UST: variants seen among roughly 807,000 people sequenced by gnomAD.
UST encodes uronyl 2-sulfotransferase, also known as chondroitin sulfate 2-O-sulfotransferase.
A neutral mutation model predicts 45.6 loss-of-function variants in UST; 21 were observed. The ratio of observed to expected loss-of-function variants is 0.46; its 90% CI spans 0.33 to 0.66. The LOEUF is 0.66. Ranked by LOEUF, UST falls within the 30% of genes least tolerant of loss-of-function variation. UST has a pLI of 0.02. For synonymous variants in UST, 215 were observed against 200.6 expected (o/e 1.07, Z -0.61); for missense variants, 463 against 512.4 (o/e 0.90, Z 0.93).
chr6:148,988,789 T>C (rs1781290603), intron 5 of UST, among the ~76,000 whole-genome samples: 1 of 152,044 alleles, frequency 6.6e-6, no homozygotes, highest in South Asian at 2.1e-4. Context: ...CTTCATCATT[T>C]CCAAGTCCAC....
intron 4 of UST, among the ~76,000 whole-genome samples, chr6:148,961,395 G>A (rs1274454689): frequency 6.6e-6 from 1 of 152,170 alleles, no homozygotes; most frequent in Non-Finnish European, 1.5e-5. Context: ...GTGATCAGCC[G>A]TAGTCACCAC....
chr6:148,819,348 G>A (rs1349078836), intron 1 of UST, among the ~76,000 whole-genome samples: 2 of 152,140 alleles, frequency 1.3e-5, no homozygotes, highest in Admixed American at 6.5e-5. Flanking sequence ...GACAAAATAC[G>A]ATTTGACATA....
At chr6:149,056,129 T>TTTC (rs1776562052) in intron 7 of UST, among the ~76,000 whole-genome samples, 1 of 113,264 alleles carries the variant, frequency 8.8e-6, no homozygotes, top group Non-Finnish European at 1.8e-5. Context: ...TTTTTTTTTT[T>TTTC]TTTTTTTTTT....
chr6:148,828,151 A>T (rs765234194), intron 1 of UST, among the ~76,000 whole-genome samples: 21 of 152,162 alleles, frequency 1.4e-4, no homozygotes, highest in Middle Eastern at 3.4e-3. Flanking sequence ...ATCTGTCAGG[A>T]TATATGACGT....
intron 1 of UST, among the ~76,000 whole-genome samples, chr6:148,816,662 C>T: frequency 6.6e-6 from 1 of 152,080 alleles, no homozygotes; most frequent in Non-Finnish European, 1.5e-5. Context: ...AAGTATTAAG[C>T]AATTAAGGTT....
chr6:148,750,444 G>A (rs193275739), intron 1 of UST, among the ~76,000 whole-genome samples: 15 of 152,310 alleles, frequency 9.8e-5, no homozygotes, highest in Admixed American at 6.5e-4. Context: ...CAGCAACACT[G>A]TCGGTAGGTT....
intron 1 of UST, among the ~76,000 whole-genome samples, chr6:148,851,840 G>A (rs1025448777): frequency 2.6e-5 from 4 of 152,196 alleles, no homozygotes; most frequent in African/African-American, 7.2e-5. Context: ...TCACTGCTCC[G>A]ACAACTTAGA....
chr6:148,914,009 G>A (rs1779532423), intron 2 of UST, among the ~76,000 whole-genome samples: 1 of 152,174 alleles, frequency 6.6e-6, no homozygotes, highest in Non-Finnish European at 1.5e-5. Flanking sequence ...GCAGTGATTA[G>A]TTCATGAGGG....
At chr6:148,873,445 G>A (rs1778595342) in intron 1 of UST, among the ~76,000 whole-genome samples, 1 of 152,142 alleles carries the variant, frequency 6.6e-6, no homozygotes, top group Non-Finnish European at 1.5e-5. Flanking sequence ...ATGGGCGAGG[G>A]ACACTCTGCC....
chr6:148,855,052 G>T (rs1778177195), intron 1 of UST, among the ~76,000 whole-genome samples: 1 of 152,134 alleles, frequency 6.6e-6, no homozygotes, highest in African/African-American at 2.4e-5. Flanking sequence ...CAAAGAGAGA[G>T]AGCTTGTACA....
intron 7 of UST, chr6:149,066,049 A>G (rs180751049): frequency 2.6e-5 from 4 of 152,324 alleles, no homozygotes; most frequent in Non-Finnish European, 5.9e-5. Context: ...ACAGGCTGGG[A>G]AAGAGGAGGG....
chr6:148,936,039 T>G (rs1246205759), intron 2 of UST, among the ~76,000 whole-genome samples: 1 of 152,154 alleles, frequency 6.6e-6, no homozygotes, highest in Non-Finnish European at 1.5e-5. Flanking sequence ...AACTAAAAAT[T>G]CTCTTCACTA....
chr6:148,929,064 C>T (rs936373551), intron 2 of UST, among the ~76,000 whole-genome samples: 1 of 152,230 alleles, frequency 6.6e-6, no homozygotes, highest in Admixed American at 6.5e-5. Context: ...GCTGCTCTTA[C>T]TCCCTTTTCT....
At chr6:149,049,954 C>CAG (rs1483193423) in intron 7 of UST, among the ~76,000 whole-genome samples, 1 of 149,658 alleles carries the variant, frequency 6.7e-6, no homozygotes, top group East Asian at 1.9e-4. Flanking sequence ...CACACACACA[C>CAG]ACACACACAC....
chr6:148,816,867 G>T (rs374252668), intron 1 of UST, among the ~76,000 whole-genome samples: 3 of 152,032 alleles, frequency 2.0e-5, no homozygotes, highest in East Asian at 3.9e-4. Flanking sequence ...TCTCTTTTGA[G>T]CTTTCTATTT....
At chr6:149,051,235 T>G (rs568460362) in intron 7 of UST, among the ~76,000 whole-genome samples, 97 of 152,338 alleles carry the variant, frequency 6.4e-4, no homozygotes, top group African/African-American at 2.2e-3. Flanking sequence ...GATCTCAATT[T>G]CACAGCCATA....
chr6:148,776,844 A>G (rs1214546100), intron 1 of UST, among the ~76,000 whole-genome samples: 5 of 152,206 alleles, frequency 3.3e-5, no homozygotes, highest in Non-Finnish European at 7.3e-5. Context: ...TGGATCCGTC[A>G]TGATGGGTGG....
chr6:148,806,958 C>T (rs1777162316), intron 1 of UST, among the ~76,000 whole-genome samples: 1 of 152,148 alleles, frequency 6.6e-6, no homozygotes, highest in Non-Finnish European at 1.5e-5. Context: ...CTTAAAGGTC[C>T]CACCTTTCAA....
intron 5 of UST, among the ~76,000 whole-genome samples, chr6:148,978,981 C>A (rs1417847630): frequency 1.3e-5 from 2 of 152,120 alleles, no homozygotes; most frequent in African/African-American, 4.8e-5. Context: ...GGGATTTCAT[C>A]TCAGGGAGAA....
Sources: allele counts gnomAD v4.1 joint callset (sites outside exome capture counted in the v4.1 genomes callset), GRCh38; gene constraint gnomAD v4.1.1; transcripts MANE v1.5; gene names NCBI Gene and HGNC (gene_info 2026-07-23, HGNC 2026-07-21).